Variants in INPP4B observed in about 807,000 individuals in gnomAD.
INPP4B encodes inositol polyphosphate-4-phosphatase type II B, also known as inositol polyphosphate 4-phosphatase type II.
INPP4B carries 55 observed loss-of-function variants against 122.5 expected under a neutral mutation model. The observed-to-expected ratio is 0.45, with a 90% CI of 0.36 to 0.56. The LOEUF is 0.56. INPP4B is among the 20% of genes least tolerant of loss of function. The pLI is 0.00. For missense variants in INPP4B, 1,000 were observed against 1,097.7 expected, an observed-to-expected ratio of 0.91 and a Z score of 1.26; for synonymous variants, 403 against 388.7, an observed-to-expected ratio of 1.04 and a Z score of -0.43.
intron 21 of INPP4B, among the ~76,000 whole-genome samples, chr4:142,119,824 CAT>C (rs1553978432): frequency 3.8e-4 from 5 of 13,314 alleles, no homozygotes; most frequent in Admixed American, 1.7e-3. Context: ...CACACACACA[CAT>C]ACACATATAT....
chr4:142,273,282 A>G (rs535639163), intron 9 of INPP4B, among the ~76,000 whole-genome samples: 1 of 152,052 alleles, frequency 6.6e-6, no homozygotes, highest in East Asian at 1.9e-4. Flanking sequence ...CAGCAAAACC[A>G]GAATTGCTAC....
At chr4:142,761,918 T>C (rs1327591671) in intron 1 of INPP4B, among the ~76,000 whole-genome samples, 1 of 152,164 alleles carries the variant, frequency 6.6e-6, no homozygotes, top group East Asian at 1.9e-4. Context: ...TGTGTAGGTA[T>C]GGGAACTAGC....
Position 142,640,559 on chromosome 4 carries a change from G to A in INPP4B, c.-191+85280C>T, listed in dbSNP as rs1230608011. Among the ~76,000 whole-genome samples, 4 of 151,850 alleles carry A rather than the reference G, an allele frequency of 2.6e-5. No homozygotes were observed. The East Asian group carries it at 5.8e-4, about 22-fold the overall frequency. ...ACAGGGATATAACATCAACAATTTA[G>A]CAAAGGGAAAAATTCCTTACAAGAA... On this transcript the variant is annotated intron_variant, in intron 2 of 25. Transcript: ENST00000262992.
chr4:142,065,878 T>C (rs998179180), intron 25 of INPP4B, among the ~76,000 whole-genome samples: 1 of 152,126 alleles, frequency 6.6e-6, no homozygotes, highest in Non-Finnish European at 1.5e-5. Flanking sequence ...GGGTGAGGTA[T>C]AAGGGAAGGG....
chr4:142,397,499 G>A (rs1306083129), intron 7 of INPP4B, among the ~76,000 whole-genome samples: 3 of 152,056 alleles, frequency 2.0e-5, no homozygotes. Flanking sequence ...TTCTCCTCTG[G>A]TTGAATACTG....
intron 2 of INPP4B, among the ~76,000 whole-genome samples, chr4:142,605,371 G>A (rs1417587102): frequency 6.6e-6 from 1 of 151,900 alleles, no homozygotes; most frequent in Non-Finnish European, 1.5e-5. Flanking sequence ...GCTAGGTAAA[G>A]GTTTTATGGC....
chr4:142,346,727 T>C (rs566693957), intron 7 of INPP4B, among the ~76,000 whole-genome samples: 5 of 152,144 alleles, frequency 3.3e-5, no homozygotes, highest in African/African-American at 1.2e-4. Context: ...ATTAAGTAAT[T>C]AAAGCCTACA....
intron 7 of INPP4B, among the ~76,000 whole-genome samples, chr4:142,337,872 G>A (rs1014254184): frequency 2.0e-5 from 3 of 150,530 alleles, no homozygotes; most frequent in Non-Finnish European, 4.4e-5. Flanking sequence ...TTTTTATGGT[G>A]TCTTTTTCAC....
At chr4:142,835,238 C>G (rs1400691979) in intron 1 of INPP4B, among the ~76,000 whole-genome samples, 1 of 152,124 alleles carries the variant, frequency 6.6e-6, no homozygotes, top group African/African-American at 2.4e-5. Flanking sequence ...CAATATTTAT[C>G]CATCTTATCT....
chr4:142,242,131 A>G (rs957621046), intron 11 of INPP4B, among the ~76,000 whole-genome samples: 12 of 152,346 alleles, frequency 7.9e-5, no homozygotes, highest in South Asian at 4.1e-4. Context: ...CTGTAATCCA[A>G]TTAGACACTG....
chr4:142,749,487 A>G (rs1353840355), intron 1 of INPP4B, among the ~76,000 whole-genome samples: 1 of 151,186 alleles, frequency 6.6e-6, no homozygotes, highest in African/African-American at 2.4e-5. Context: ...TAAACCAATT[A>G]AAAGAAGTAA....
At chr4:142,318,750 C>CA (rs1415497517) in intron 7 of INPP4B, among the ~76,000 whole-genome samples, 2 of 152,152 alleles carry the variant, frequency 1.3e-5, no homozygotes, top group African/African-American at 2.4e-5. Context: ...CCTGCTCTAT[C>CA]AACCCCAGAA....
chr4:142,260,325 C>T (rs186510747), intron 11 of INPP4B, among the ~76,000 whole-genome samples, 167 bp downstream of exon 11: 3 of 152,164 alleles, frequency 2.0e-5, no homozygotes, highest in African/African-American at 4.8e-5. Context: ...ATTTATCTTT[C>T]CTGTGGAATT....
chr4:142,053,780 G>T (rs571980788), intron 25 of INPP4B, among the ~76,000 whole-genome samples: 2 of 152,168 alleles, frequency 1.3e-5, no homozygotes, highest in African/African-American at 4.8e-5. Flanking sequence ...TAAGAACCCC[G>T]ATTCAGGTAT....
rs375409846 is a variant in INPP4B at position 142,111,543 on chromosome 4, T to G, written c.2276+999A>C. ...TGTATTTTTAGTAGAGTTGGGGTTTTGTCATATTGGCCAGGCTGGTCTTGA... is the reference window on the plus strand; with the variant it reads ...TGTATTTTTAGTAGAGTTGGGGTTTGGTCATATTGGCCAGGCTGGTCTTGA... On this transcript the variant is annotated intron_variant, in intron 22 of 25. Transcript: ENST00000262992. Among the ~76,000 whole-genome samples, 230 of 151,980 alleles carry G rather than the reference T, an allele frequency of 1.5e-3. 1 individual carries two copies. Among genetic ancestry groups the G allele is most frequent in the African/African-American group, 5.3e-3 (219 of 41,464 alleles).
chr4:142,718,350 G>T (rs977743172), intron 2 of INPP4B, among the ~76,000 whole-genome samples: 1 of 152,132 alleles, frequency 6.6e-6, no homozygotes, highest in African/African-American at 2.4e-5. Flanking sequence ...TAAAACTGGC[G>T]GGCTCTCTAT....
intron 5 of INPP4B, among the ~76,000 whole-genome samples, chr4:142,413,168 GT>G (rs984717942): frequency 1.3e-5 from 2 of 152,146 alleles, no homozygotes; most frequent in Middle Eastern, 3.4e-3. Context: ...AAATGTGTGG[GT>G]TTTTTTAGTT....
chr4:142,172,523 C>G (rs1826106799), intron 16 of INPP4B, among the ~76,000 whole-genome samples: 1 of 151,912 alleles, frequency 6.6e-6, no homozygotes, highest in Non-Finnish European at 1.5e-5. Context: ...GCATTTTGAA[C>G]TGGAAGTTCT....
At chr4:142,701,677 C>T (rs1303041073) in intron 2 of INPP4B, among the ~76,000 whole-genome samples, 1 of 151,968 alleles carries the variant, frequency 6.6e-6, no homozygotes, top group Non-Finnish European at 1.5e-5. Context: ...TGAACCATTG[C>T]TTATAATCAA....
Sources: allele counts gnomAD v4.1 joint callset (sites outside exome capture counted in the v4.1 genomes callset), GRCh38; gene constraint gnomAD v4.1.1; transcripts MANE v1.5; gene names NCBI Gene and HGNC (gene_info 2026-07-23, HGNC 2026-07-21).